Variants in ZNF846 observed in about 807,000 individuals in gnomAD.
ZNF846 encodes zinc finger protein 846.
Under a neutral mutation model 16.0 loss-of-function variants are expected in ZNF846, and 15 were observed. The ratio of observed to expected loss-of-function variants is 0.94; its 90% CI spans 0.63 to 1.45. ZNF846 has a LOEUF of 1.45. Among genes scored for constraint, ZNF846 ranks in the 40% most tolerant of loss-of-function variants. ZNF846 has a pLI of 0.00. For missense variants in ZNF846, 714 were observed against 622.3 expected, an observed-to-expected ratio of 1.15 and a Z score of -1.57; for synonymous variants, 229 against 212.0, an observed-to-expected ratio of 1.08 and a Z score of -0.70.
At chr19:9,750,681 T>C (rs2045076929), downstream of ZNF846, among the ~76,000 whole-genome samples, 1 of 152,234 alleles carries the variant, frequency 6.6e-6, no homozygotes, top group South Asian at 2.1e-4. Context: ...TTAATCCCTT[T>C]ACTTGTGGGT....
chr19:9,771,263 C>T (rs887084280), upstream of ZNF846, among the ~76,000 whole-genome samples: 2 of 151,968 alleles, frequency 1.3e-5, no homozygotes, highest in Non-Finnish European at 1.5e-5. Flanking sequence ...TGGCAACCTC[C>T]GCCTCCCAGG....
chr19:9,770,514 CA>C (rs1490036785), upstream of ZNF846, among the ~76,000 whole-genome samples: 11 of 135,798 alleles, frequency 8.1e-5, no homozygotes, highest in African/African-American at 2.8e-4. Context: ...TTGGATAATA[CA>C]AGACGCATTT....
In ZNF846 at chr19:9,764,927, T is replaced by A; in HGVS notation, c.15+9A>T. The A allele has an allele frequency of 6.2e-7, 1 of 1,614,150 alleles. No individual in the cohort carries two copies. Among genetic ancestry groups the A allele is most frequent in the South Asian group, 1.1e-5 (1 of 91,084 alleles). On this transcript the variant is annotated intron_variant, in intron 2 of 5. Transcript: ENST00000397902. ...TAACATTTTGAAGTTAGGTCTGCTT[T>A]CCACTTGCCTGAGAAGAATCCATCA... is the stretch of plus-strand genomic sequence containing the variant.
exon 1 of ZNF846, chr19:9,768,550 C>A (rs551162424): frequency 2.0e-5 from 3 of 152,290 alleles, no homozygotes; most frequent in African/African-American, 7.2e-5. Flanking sequence ...GGGGAGGAGG[C>A]GCCGCTTCTC....
At chr19:9,757,204 A>G (rs1333858909), downstream of ZNF846, among the ~76,000 whole-genome samples, 1 of 151,590 alleles carries the variant, frequency 6.6e-6, no homozygotes, top group African/African-American at 2.4e-5. Flanking sequence ...CAAAAAAAAA[A>G]AAGAAAAATA....
At chr19:9,771,921 C>T (rs2045393442), upstream of ZNF846, among the ~76,000 whole-genome samples, 2 of 152,082 alleles carry the variant, frequency 1.3e-5, no homozygotes, top group South Asian at 4.2e-4. Flanking sequence ...GTGCACACCA[C>T]CATGCCCAGC....
At position 9,781,997 on chromosome 19, in the gene ZNF846, G is replaced by A. The variant is rs895161547; in HGVS notation, c.-86+3941C>T. ...TCACCATGTTGGCCAAGCTGGTCTC[G>A]AACTCCTGACTCCAGATGATCCACC... On this transcript the variant is annotated intron_variant, in intron 1 of 4. Coordinates refer to the ZNF846 transcript ENST00000586814. Among the ~76,000 whole-genome samples the A allele has an allele frequency of 2.0e-4, 31 of 151,848 alleles. 1 individual carries two copies. The highest frequency in any genetic ancestry group is 1.2e-3 in the Admixed American group (19 of 15,212).
At chr19:9,761,061 T>C (rs2045219175) in intron 4 of ZNF846, among the ~76,000 whole-genome samples, 1 of 148,996 alleles carries the variant, frequency 6.7e-6, no homozygotes, top group South Asian at 2.1e-4. Flanking sequence ...TCACCAGGCA[T>C]GGTGGCGCAC....
At position 9,764,953 on chromosome 19, in the gene ZNF846, G is replaced by C; in HGVS notation, c.-3C>G. The C allele has an allele frequency of 6.2e-7, 1 of 1,614,110 alleles. No homozygotes were observed. The highest frequency in any genetic ancestry group is 8.5e-7 in the Non-Finnish European group (1 of 1,180,002). ...CCACTTGCCTGAGAAGAATCCATCA[G>C]TAATCCATCAGTAACCCAGCCACTA... is the stretch of plus-strand genomic sequence containing the variant. On this transcript the variant is annotated 5_prime_UTR_variant, in exon 2 of 6. It introduces an in-frame stop codon into an upstream open reading frame of the 5' UTR. Coordinates refer to ENST00000397902, the Ensembl canonical transcript of ZNF846.
At chr19:9,769,873 C>A (rs374623967), upstream of ZNF846, among the ~76,000 whole-genome samples, 44 of 151,200 alleles carry the variant, frequency 2.9e-4, no homozygotes, top group East Asian at 1.2e-3. Flanking sequence ...CCCAGCTACT[C>A]GAGAGGCTGA....
At chr19:9,761,597 G>A (rs983214754) in intron 4 of ZNF846, among the ~76,000 whole-genome samples, 1 of 151,806 alleles carries the variant, frequency 6.6e-6, no homozygotes, top group Non-Finnish European at 1.5e-5. Context: ...TGTAATCTTA[G>A]CTACTTGGGA....
upstream of ZNF846, chr19:9,768,861 C>G (rs551736612): frequency 6.6e-6 from 1 of 152,348 alleles, no homozygotes; most frequent in African/African-American, 2.4e-5. Context: ...GCCACCTCTT[C>G]GACACGCGTA....
intron 1 of ZNF846, among the ~76,000 whole-genome samples, chr19:9,785,086 C>G (rs1490797148): frequency 6.6e-6 from 1 of 152,140 alleles, no homozygotes; most frequent in Non-Finnish European, 1.5e-5. Flanking sequence ...ACTGACCTAA[C>G]CATAAGAAGT....
chr19:9,757,993 C>T, exon 6 of ZNF846: 1 of 1,613,610 alleles, frequency 6.2e-7, no homozygotes, highest in Admixed American at 1.7e-5. Context: ...AGCTTCTCTC[C>T]ACTGTGAATC....
At chr19:9,761,839 G>A (rs992313885) in intron 4 of ZNF846, among the ~76,000 whole-genome samples, 6 of 152,154 alleles carry the variant, frequency 3.9e-5, no homozygotes, top group Middle Eastern at 3.2e-3. Context: ...GGACCTACAT[G>A]CATAAGATGG....
At chr19:9,759,728 C>T in intron 5 of ZNF846, 132 bp downstream of exon 5, 1 of 615,140 alleles carries the variant, frequency 1.6e-6, no homozygotes, top group Non-Finnish European at 2.8e-6. Context: ...GAGTGCTTCC[C>T]ATATTCATGA....
intron 1 of ZNF846, among the ~76,000 whole-genome samples, chr19:9,775,221 A>G (rs976029030): frequency 7.6e-5 from 11 of 144,864 alleles, no homozygotes; most frequent in African/African-American, 3.2e-4. Flanking sequence ...GTGTATATAT[A>G]TATAACAATC....
At chr19:9,776,066 G>C (rs2045437624) in intron 1 of ZNF846, among the ~76,000 whole-genome samples, 1 of 152,246 alleles carries the variant, frequency 6.6e-6, no homozygotes, top group Non-Finnish European at 1.5e-5. Context: ...AGGGCCACCA[G>C]AAGGGCTCCT....
At chr19:9,767,711 T>C (rs1168226894) in intron 1 of ZNF846, among the ~76,000 whole-genome samples, 1 of 151,768 alleles carries the variant, frequency 6.6e-6, no homozygotes, top group Non-Finnish European at 1.5e-5. Flanking sequence ...CCGAGGAGGG[T>C]GGATCACGAG....
Sources: allele counts gnomAD v4.1 joint callset (sites outside exome capture counted in the v4.1 genomes callset), GRCh38; gene constraint gnomAD v4.1.1; transcripts MANE v1.5; gene names NCBI Gene and HGNC (gene_info 2026-07-23, HGNC 2026-07-21).